The following ZC3H18 variants were observed in gnomAD, a reference collection of about 807,000 sequenced individuals.
ZC3H18 encodes the protein zinc finger CCCH domain-containing protein 18.
Under a neutral mutation model 106.1 loss-of-function variants are expected in ZC3H18, and 8 were observed. That is an observed-to-expected ratio of 0.08 (90% confidence interval 0.04 to 0.14). The LOEUF (loss-of-function observed/expected upper bound fraction) is 0.14, where lower values mean the gene tolerates loss of function less well. Ranked by LOEUF, ZC3H18 falls within the 10% of genes least tolerant of loss-of-function variation. The probability of loss-of-function intolerance (pLI) is 1.00; values close to 1 mark genes in which losing one functional copy is unlikely to be tolerated. For synonymous variants in ZC3H18, 635 were observed against 522.1 expected, an observed-to-expected ratio of 1.22 and a Z score of -2.95; for missense variants, 1,318 against 1,278.4, an observed-to-expected ratio of 1.03 and a Z score of -0.47.
In ZC3H18 at chr16:88,628,799, C is replaced by G. The variant is rs769221067; in HGVS notation, c.2511C>G (p.Asp837Glu). 3 of 1,614,134 alleles carry G rather than the reference C, an allele frequency of 1.9e-6. No individual in the cohort carries two copies. The highest frequency in any genetic ancestry group is 2.5e-6 in the Non-Finnish European group (3 of 1,180,010). Reference sequence around the variant, plus strand: ...GCAGGAAGCGCTATGAACCATCAGACAAGGACAGGCAGAGCCCTCCTCCAG... The same window carrying G: ...GCAGGAAGCGCTATGAACCATCAGAGAAGGACAGGCAGAGCCCTCCTCCAG... ...KGSRKRYEPS[D>E]KDRQSPPPAK... The change falls in exon 16 of 18, where the codon GAC becomes GAG. Residue 837 changes from aspartate to glutamate, a missense_variant. Physicochemically the swap from Asp to Glu is conservative, Grantham distance 45 (BLOSUM62 2). Coordinates refer to ENST00000301011, the MANE Select transcript of ZC3H18 (RefSeq NM_144604.4).
intron 7 of ZC3H18, among the ~76,000 whole-genome samples, chr16:88,610,732 G>A (rs912750693): frequency 1.3e-5 from 2 of 152,250 alleles, no homozygotes; most frequent in Non-Finnish European, 2.9e-5. Flanking sequence ...TAGAAGAAGA[G>A]GAGCAGTCTT....
At chr16:88,587,781 A>G (rs915840262) in intron 3 of ZC3H18, among the ~76,000 whole-genome samples, 1 of 152,200 alleles carries the variant, frequency 6.6e-6, no homozygotes, top group Non-Finnish European at 1.5e-5. Context: ...CACGTGAGCC[A>G]GTCGAGCATC....
rs1219500645 is a variant in ZC3H18, at chr16:88,623,358, G to A, written c.1793+14G>A. The stretch of plus-strand genomic sequence containing the variant: ...AAGCCGGTCCAGGTATGTCCCCAGG[G>A]CCCATGAAGGGCCCTCAGCAGGTGC... On this transcript the variant is annotated intron_variant, in intron 10 of 17. Transcript: ENST00000301011. 1 of 1,611,856 alleles carries A rather than the reference G, an allele frequency of 6.2e-7. No homozygotes were observed.
intron 7 of ZC3H18, among the ~76,000 whole-genome samples, chr16:88,610,122 C>T (rs1234899549): frequency 6.6e-6 from 1 of 152,134 alleles, no homozygotes; most frequent in Admixed American, 6.5e-5. Flanking sequence ...CTGAGATTTC[C>T]GCCCTGGAAA....
intron 8 of ZC3H18, among the ~76,000 whole-genome samples, chr16:88,616,764 C>T (rs902952352): frequency 7.2e-5 from 11 of 152,040 alleles, no homozygotes; most frequent in Non-Finnish European, 1.2e-4. Context: ...CACAGTTTTA[C>T]CCAGGGAGAT....
chr16:88,609,136 G>A, intron 7 of ZC3H18, 85 bp downstream of exon 7: 7 of 1,112,524 alleles, frequency 6.3e-6, no homozygotes, highest in Non-Finnish European at 9.1e-6. Flanking sequence ...AAAAATACAG[G>A]GCTTTATATG....
At chr16:88,590,690 G>C (rs1915700165) in intron 3 of ZC3H18, among the ~76,000 whole-genome samples, 1 of 149,102 alleles carries the variant, frequency 6.7e-6, no homozygotes. Context: ...CTCCCGAGTA[G>C]CTGCGATTAC....
chr16:88,613,948 C>T (rs925970233), intron 8 of ZC3H18, among the ~76,000 whole-genome samples: 3 of 152,160 alleles, frequency 2.0e-5, no homozygotes, highest in African/African-American at 7.2e-5. Flanking sequence ...GGGGGGGTGT[C>T]GATGAGAGCA....
intron 2 of ZC3H18, among the ~76,000 whole-genome samples, chr16:88,579,036 C>T (rs1194257607): frequency 6.6e-6 from 1 of 152,058 alleles, no homozygotes; most frequent in Non-Finnish European, 1.5e-5. Flanking sequence ...TCTCAATGCA[C>T]GTTTGGATAT....
At position 88,622,221 on chromosome 16, in the gene ZC3H18, G is replaced by T; in HGVS notation, c.1500G>T (p.Lys500Asn). 1 of 1,610,828 alleles carries T rather than the reference G, an allele frequency of 6.2e-7. No individual in the cohort carries two copies. The highest frequency in any genetic ancestry group is 2.2e-5 in the East Asian group (1 of 44,804). ...PPSRQAEPPK[K>N]EAATTGPQVK... ...GCCGCCAAGCTGAGCCACCAAAGAA[G>T]GAGGCTGCCACCACGGGGCCGCAGG... Residue 500 changes from lysine to asparagine, a missense_variant, in exon 9 of 18, where the codon AAG becomes AAT. Coordinates refer to ENST00000301011, the MANE Select transcript of ZC3H18 (RefSeq NM_144604.4).
At chr16:88,600,039 C>T in intron 6 of ZC3H18, 91 bp downstream of exon 6, 2 of 1,496,450 alleles carry the variant, frequency 1.3e-6, no homozygotes, top group Non-Finnish European at 1.8e-6. Context: ...CCAGGGTGCG[C>T]TCGGCTGAGA....
chr16:88,596,304 A>G (rs997833852), intron 3 of ZC3H18, among the ~76,000 whole-genome samples: 3 of 152,298 alleles, frequency 2.0e-5, no homozygotes, highest in East Asian at 3.9e-4. Context: ...ACAGAAAAGA[A>G]CGATAACATT....
chr16:88,598,055 T>C, intron 3 of ZC3H18, 123 bp from the exon 4 acceptor site: 1 of 641,288 alleles, frequency 1.6e-6, no homozygotes, highest in South Asian at 1.6e-5. Flanking sequence ...CCCACTACTG[T>C]GTGGCTCGCC....
chr16:88,593,763 A>C (rs1171599433), intron 3 of ZC3H18, among the ~76,000 whole-genome samples: 1 of 152,238 alleles, frequency 6.6e-6, no homozygotes, highest in African/African-American at 2.4e-5. Context: ...CTGTGGCTTC[A>C]AGGAGAACAA....
intron 10 of ZC3H18, 36 bp from the exon 11 acceptor site, chr16:88,623,922 C>T (rs546396108): frequency 2.6e-5 from 41 of 1,579,832 alleles, no homozygotes; most frequent in South Asian, 2.5e-4. Context: ...AGAAACACCC[C>T]CAGGCCCCTT....
At chr16:88,586,768 C>T (rs1282115694) in intron 3 of ZC3H18, 84 bp downstream of exon 3, 10 of 1,092,376 alleles carry the variant, frequency 9.2e-6, no homozygotes, top group Middle Eastern at 2.3e-4. Context: ...CTTGCCAGGC[C>T]CTGCTCTGCT....
intron 3 of ZC3H18, among the ~76,000 whole-genome samples, chr16:88,596,414 G>C (rs971256014): frequency 1.2e-4 from 19 of 152,150 alleles, no homozygotes; most frequent in Non-Finnish European, 2.6e-4. Flanking sequence ...GGCCGAGGCT[G>C]GCAGATCACA....
chr16:88,609,339 C>T (rs1408065187), intron 7 of ZC3H18: 1 of 225,266 alleles, frequency 4.4e-6, no homozygotes, highest in Non-Finnish European at 9.0e-6. Flanking sequence ...ACTCTGTCAC[C>T]CAGGCTGGAG....
intron 3 of ZC3H18, among the ~76,000 whole-genome samples, chr16:88,588,053 C>T (rs1043287717): frequency 6.6e-5 from 10 of 152,166 alleles, no homozygotes; most frequent in African/African-American, 2.4e-4. Flanking sequence ...GACTTAGAGC[C>T]GTAGATTGTC....
Sources: gnomAD v4.1 joint callset for allele counts (sites outside exome capture counted in the v4.1 genomes callset) on GRCh38, gnomAD v4.1.1 for gene constraint, MANE v1.5 for transcripts, NCBI Gene and HGNC (gene_info 2026-07-23, HGNC 2026-07-21) for gene names.